CTNNBL1: variants seen among roughly 807,000 people sequenced by gnomAD.
The protein encoded by CTNNBL1 is catenin beta like 1.
CTNNBL1 carries 31 observed loss-of-function variants against 72.7 expected under a neutral mutation model. The ratio of observed to expected loss-of-function variants is 0.43; its 90% CI spans 0.32 to 0.58. CTNNBL1 has a LOEUF of 0.58. CTNNBL1 is among the 20% of genes least tolerant of loss of function. CTNNBL1 has a pLI of 0.08. For missense variants in CTNNBL1, 534 were observed against 725.1 expected, an observed-to-expected ratio of 0.74 and a Z score of 3.03; for synonymous variants, 240 against 267.3, an observed-to-expected ratio of 0.90 and a Z score of 1.00.
chr20:37,822,043 A>C (rs2072112610), intron 11 of CTNNBL1, among the ~76,000 whole-genome samples: 1 of 152,192 alleles, frequency 6.6e-6, no homozygotes, highest in Non-Finnish European at 1.5e-5. Flanking sequence ...CAGTTGGGGA[A>C]ACTAAGTCCC....
At chr20:37,736,543 C>CTTTTCTTTTT (rs1321969086) in intron 2 of CTNNBL1, among the ~76,000 whole-genome samples, 2 of 151,962 alleles carry the variant, frequency 1.3e-5, no homozygotes, top group Non-Finnish European at 2.9e-5. Context: ...TCTTTAACAA[C>CTTTTCTTTTT]TTTTCTTTTT....
At chr20:37,860,127 G>A in intron 14 of CTNNBL1, 91 bp downstream of exon 14, 2 of 1,528,912 alleles carry the variant, frequency 1.3e-6, no homozygotes, top group East Asian at 2.3e-5. Flanking sequence ...GAAAGAAGGG[G>A]GTCACGCTCT....
chr20:37,866,174 A>AG (rs1200163300), intron 15 of CTNNBL1, among the ~76,000 whole-genome samples: 3 of 152,246 alleles, frequency 2.0e-5, no homozygotes, highest in African/African-American at 7.2e-5. Flanking sequence ...CAAGGCTCAG[A>AG]GGCATCTTAA....
chr20:37,699,113 CT>C (rs774896332), intron 1 of CTNNBL1, among the ~76,000 whole-genome samples: 45 of 152,142 alleles, frequency 3.0e-4, no homozygotes, highest in Non-Finnish European at 5.9e-4. Context: ...ATGAAAGATG[CT>C]TTACTAACCA....
intron 10 of CTNNBL1, among the ~76,000 whole-genome samples, chr20:37,787,935 C>A (rs752838435): frequency 6.6e-6 from 1 of 152,132 alleles, no homozygotes; most frequent in Non-Finnish European, 1.5e-5. Flanking sequence ...AAGATCTGGC[C>A]TCTGCCTCAT....
chr20:37,861,412 AC>A (rs368277943), intron 15 of CTNNBL1, among the ~76,000 whole-genome samples: 32 of 152,238 alleles, frequency 2.1e-4, no homozygotes, highest in African/African-American at 7.0e-4. Context: ...GCTGGCTGGT[AC>A]GTGTGGCAGT....
At chr20:37,768,999 G>A (rs985421409) in intron 7 of CTNNBL1, among the ~76,000 whole-genome samples, 2 of 152,110 alleles carry the variant, frequency 1.3e-5, no homozygotes, top group Admixed American at 6.5e-5. Flanking sequence ...GGCTAGTCTC[G>A]AACTCCTGAT....
intron 13 of CTNNBL1, among the ~76,000 whole-genome samples, chr20:37,854,161 G>A (rs2072419259): frequency 6.6e-6 from 1 of 152,184 alleles, no homozygotes; most frequent in South Asian, 2.1e-4. Flanking sequence ...AGAAGAAAGT[G>A]GAGTTTGGCA....
intron 10 of CTNNBL1, among the ~76,000 whole-genome samples, chr20:37,785,513 A>G (rs1255506193): frequency 6.6e-6 from 1 of 152,044 alleles, no homozygotes; most frequent in Admixed American, 6.6e-5. Context: ...AAGCTTACTA[A>G]TTCTTTCTTC....
At chr20:37,841,255 C>T (rs1176572958) in intron 12 of CTNNBL1, among the ~76,000 whole-genome samples, 1 of 152,116 alleles carries the variant, frequency 6.6e-6, no homozygotes, top group Non-Finnish European at 1.5e-5. Context: ...ATTTTTTCTA[C>T]CCTCACCAGG....
intron 10 of CTNNBL1, among the ~76,000 whole-genome samples, chr20:37,790,281 G>A (rs1396353788): frequency 6.6e-6 from 1 of 152,128 alleles, no homozygotes; most frequent in African/African-American, 2.4e-5. Context: ...TGTTCCTAAT[G>A]AACATCGGAA....
chr20:37,837,298 C>T (rs923766552), intron 11 of CTNNBL1, among the ~76,000 whole-genome samples: 2 of 152,176 alleles, frequency 1.3e-5, no homozygotes, highest in African/African-American at 2.4e-5. Context: ...CTCTCCACTA[C>T]TTTCTACCCT....
chr20:37,823,003 C>T (rs1346448089), intron 11 of CTNNBL1, among the ~76,000 whole-genome samples: 19 of 152,140 alleles, frequency 1.2e-4, no homozygotes, highest in Admixed American at 1.0e-3. Flanking sequence ...GAGAAAATGA[C>T]GATGGCAACA....
At chr20:37,716,084 A>G (rs1416949016) in intron 1 of CTNNBL1, among the ~76,000 whole-genome samples, 1 of 152,146 alleles carries the variant, frequency 6.6e-6, no homozygotes, top group Non-Finnish European at 1.5e-5. Flanking sequence ...ATAGGGGAAG[A>G]TGGGTCAAAA....
At chr20:37,750,739 A>G (rs1463029263) in intron 4 of CTNNBL1, 1 of 151,930 alleles carries the variant, frequency 6.6e-6, no homozygotes, top group Non-Finnish European at 1.5e-5. Context: ...AGTCCCTTCT[A>G]AAGTTTTTTT....
At chr20:37,820,665 C>T (rs1053327879) in intron 11 of CTNNBL1, among the ~76,000 whole-genome samples, 1 of 152,162 alleles carries the variant, frequency 6.6e-6, no homozygotes, top group Admixed American at 6.5e-5. Flanking sequence ...TTCCCCCACG[C>T]GCTCTCTCTG....
Position 37,767,960 on chromosome 20 carries a change from G to A in CTNNBL1, c.666G>A (p.Val222=), listed in dbSNP as rs1415936564. The A allele has an allele frequency of 6.2e-7, 1 of 1,613,766 alleles. No homozygotes were observed. Among genetic ancestry groups the A allele is most frequent in the African/African-American group, 1.3e-5 (1 of 74,890 alleles). Residue 222 remains valine, a synonymous_variant, in exon 7 of 16, where the codon GTG becomes GTA. Transcript: ENST00000361383. ...ADGVHNTLAI[V]ENMAEFRPEM... is the part of the protein sequence containing the mutation. ...GTGTCTGTCTCCCTTCAGCTATTGT[G>A]GAAAACATGGCTGAGTTCCGGCCTG...
chr20:37,798,378 C>A (rs1363788698), intron 10 of CTNNBL1, among the ~76,000 whole-genome samples: 6 of 152,164 alleles, frequency 3.9e-5, no homozygotes, highest in Admixed American at 1.3e-4. Context: ...TTCCCACAAC[C>A]CCCCAGTTTT....
intron 10 of CTNNBL1, among the ~76,000 whole-genome samples, chr20:37,784,613 T>G (rs562091547): frequency 2.8e-4 from 42 of 152,346 alleles, no homozygotes; most frequent in African/African-American, 9.9e-4. Flanking sequence ...AAGAGAAAAC[T>G]AATAAAAACT....
Sources: allele counts gnomAD v4.1 joint callset (sites outside exome capture counted in the v4.1 genomes callset), GRCh38; gene constraint gnomAD v4.1.1; transcripts MANE v1.5; gene names NCBI Gene and HGNC (gene_info 2026-07-23, HGNC 2026-07-21).